The following PHACTR2 variants were observed in gnomAD, a reference collection of about 807,000 sequenced individuals.
The protein encoded by PHACTR2 is chromosome 6 open reading frame 56.
PHACTR2 carries 30 observed loss-of-function variants against 76.0 expected under a neutral mutation model. The observed-to-expected ratio is 0.39, with a 90% confidence interval of 0.30 to 0.54. PHACTR2 has a LOEUF of 0.54. Ranked by LOEUF, PHACTR2 falls within the 20% of genes least tolerant of loss-of-function variation. The pLI, the probability that PHACTR2 is intolerant of heterozygous loss-of-function variation, is 0.61. For synonymous variants in PHACTR2, 292 were observed against 292.5 expected (o/e 1.00, Z 0.02); for missense variants, 696 against 781.1 (o/e 0.89, Z 1.30).
intron 2 of PHACTR2, among the ~76,000 whole-genome samples, chr6:143,744,745 G>C (rs543611069): frequency 1.3e-5 from 2 of 152,338 alleles, no homozygotes; most frequent in Non-Finnish European, 2.9e-5. Flanking sequence ...TTCAGGGATT[G>C]TTGGAAGTAA....
At chr6:143,796,379 TTTTCTTTC>T (rs147314577) in intron 11 of PHACTR2, among the ~76,000 whole-genome samples, 69,298 of 148,676 alleles carry the variant, frequency 0.47, 16,120 homozygotes, top group Admixed American at 0.55. Context: ...TTTCTTTTTC[TTTTCTTTC>T]TTTCTTTCTT....
chr6:143,675,378 G>T (rs1582758952), upstream of PHACTR2, among the ~76,000 whole-genome samples: 1 of 152,290 alleles, frequency 6.6e-6, no homozygotes, highest in East Asian at 1.9e-4. This position sits in a 1 kb window ranked among gnomAD's most constrained non-coding sequence, Gnocchi z 4.9. Context: ...GTAGCGGTGT[G>T]CTGAAGGCAG....
intron 1 of PHACTR2, among the ~76,000 whole-genome samples, chr6:143,655,750 A>T (rs1442735004): frequency 6.6e-6 from 1 of 152,198 alleles, no homozygotes; most frequent in Admixed American, 6.5e-5. Context: ...AGACTTAGTT[A>T]TTTACTTTGC....
chr6:143,609,632 G>C (rs935301424), intron 1 of PHACTR2, among the ~76,000 whole-genome samples: 1 of 152,076 alleles, frequency 6.6e-6, no homozygotes, highest in Non-Finnish European at 1.5e-5. Context: ...TAATTACAGT[G>C]GTAGAGTGAG....
rs1292420658 is a variant in PHACTR2 at position 143,678,986 on chromosome 6, A to G, written c.46+777A>G. ...TGGTGGTGTTACTTGTGATTGGATA[A>G]GGAAATAAATTTAAAAGGTACTATT... is the stretch of plus-strand genomic sequence containing the variant. On this transcript the variant is annotated intron_variant, in intron 1 of 12. Transcript: ENST00000440869. This position sits in a 1 kb window ranked among gnomAD's most constrained non-coding sequence, Gnocchi z 6.2. Among the ~76,000 whole-genome samples the G allele has an allele frequency of 1.3e-5, 2 of 152,172 alleles. No homozygotes were observed. The highest frequency in any genetic ancestry group is 4.8e-5 in the African/African-American group (2 of 41,430).
At chr6:143,544,268 GGGCA>G in intron 1 of PHACTR2, among the ~76,000 whole-genome samples, 1 of 131,232 alleles carries the variant, frequency 7.6e-6, no homozygotes, top group African/African-American at 2.8e-5. Context: ...GAAGGAAGGC[GGGCA>G]GGCTCCCATA....
In PHACTR2 at chr6:143,698,310, A is replaced by G. The variant is rs1483210678; in HGVS notation, c.47-13706A>G. 1.3e-5 allele frequency among the ~76,000 whole-genome samples: 2 copies of G among 152,206 alleles called. No homozygotes were observed. The highest frequency in any genetic ancestry group is 2.9e-5 in the Non-Finnish European group (2 of 68,046). ...ACATCTCGCAAGTGGGGCATCCTCA[A>G]TAACTATGTTAGAAAAAGTATAAAA... On this transcript the variant is annotated intron_variant, in intron 1 of 12. Transcript: ENST00000440869. This position sits in a 1 kb window ranked among gnomAD's most constrained non-coding sequence, Gnocchi z 4.3.
intron 12 of PHACTR2, among the ~76,000 whole-genome samples, chr6:143,815,801 A>C (rs982559567): frequency 6.6e-6 from 1 of 151,950 alleles, no homozygotes; most frequent in African/African-American, 2.4e-5. Flanking sequence ...CTAAGGCAGG[A>C]GAATCACTTG....
rs1016320133 is a variant in PHACTR2 at position 143,680,478 on chromosome 6, C to T, written c.46+2269C>T. On this transcript the variant is annotated intron_variant, in intron 1 of 12. Coordinates refer to ENST00000440869, the MANE Select transcript of PHACTR2 (RefSeq NM_001100164.2). The surrounding 1 kb of genome is among the most constrained non-coding windows in gnomAD (Gnocchi z 4.5). Reference sequence around the variant, plus strand: ...ATTCATACTTATCGCTCAATTTGGCCTTTTGTAAAAATCTTCATTATAGGC... The same window carrying T: ...ATTCATACTTATCGCTCAATTTGGCTTTTTGTAAAAATCTTCATTATAGGC... Among the ~76,000 whole-genome samples the T allele has an allele frequency of 1.3e-5, 2 of 152,160 alleles. No individual in the cohort carries two copies. Among genetic ancestry groups the T allele is most frequent in the Non-Finnish European group, 2.9e-5 (2 of 68,012 alleles).
Position 143,712,068 on chromosome 6 carries a change from T to C in PHACTR2, c.99T>C (p.Gly33=). Residue 33 remains glycine (G), a synonymous_variant, in exon 2 of 13, where the codon GGT becomes GGC. Transcript: ENST00000440869. ...SIANSDGPTA[G]SQTPPFKRKG... ...CAAACTCAGATGGCCCCACAGCAGG[T>C]TCCCAAACACCTCCCTTCAAAAGAA... 6.3e-7 allele frequency: 1 copy of C among 1,598,252 alleles called. No homozygotes were observed. The highest frequency in any genetic ancestry group is 8.5e-7 in the Non-Finnish European group (1 of 1,174,112).
intron 2 of PHACTR2, among the ~76,000 whole-genome samples, chr6:143,720,735 C>A (rs6915805): frequency 1.3e-5 from 2 of 151,998 alleles, no homozygotes; most frequent in Non-Finnish European, 1.5e-5. Flanking sequence ...CCTCAAGTCC[C>A]CTGAGTCATT....
rs373922912 is a variant in PHACTR2 at position 143,778,919 on chromosome 6, C to T, written c.1645+1536C>T. 4.9e-4 allele frequency among the ~76,000 whole-genome samples: 75 copies of T among 152,298 alleles called. 2 individuals carry two copies. The South Asian group carries it at 0.015, about 29-fold the overall frequency. The stretch of plus-strand genomic sequence containing the variant: ...ATCTAGAAACTTACCGCGTGTTGAT[C>T]TTAAGTGCTGCATTGGCCTTTATAT... On this transcript the variant is annotated intron_variant, in intron 9 of 12. Transcript: ENST00000440869.
rs200144104 is a variant in PHACTR2, at chr6:143,700,780, C to CA, written c.47-11235dup. Reference sequence around the variant, plus strand: ...TCAGCTTTTTCTTCCTTTTCACAAACACAGCACACACTCTACACACCATGA... The same window carrying CA: ...TCAGCTTTTTCTTCCTTTTCACAAACAACAGCACACACTCTACACACCATGA... On this transcript the variant is annotated intron_variant, in intron 1 of 12. Transcript: ENST00000440869. The surrounding 1 kb of genome is among the most constrained non-coding windows in gnomAD (Gnocchi z 4.1). Among the ~76,000 whole-genome samples, 860 of 152,256 alleles carry CA rather than the reference C, an allele frequency of 5.6e-3. 10 individuals carry two copies. Among genetic ancestry groups the CA allele is most frequent in the African/African-American group, 0.018 (752 of 41,542 alleles).
chr6:143,802,647 CAAAA>C (rs55737411), intron 11 of PHACTR2, among the ~76,000 whole-genome samples: 1 of 90,166 alleles, frequency 1.1e-5, no homozygotes, highest in Non-Finnish European at 2.1e-5. Context: ...GACCCTGTCT[CAAAA>C]AAAAAAAAAA....
At chr6:143,601,628 C>T (rs370586272) in intron 1 of PHACTR2, among the ~76,000 whole-genome samples, 6 of 152,186 alleles carry the variant, frequency 3.9e-5, no homozygotes, top group African/African-American at 7.2e-5. Flanking sequence ...GTGCCTTTCA[C>T]GGAGATAGGC....
At chr6:143,631,388 C>T (rs529161763) in intron 1 of PHACTR2, among the ~76,000 whole-genome samples, 2 of 152,142 alleles carry the variant, frequency 1.3e-5, no homozygotes, top group East Asian at 3.9e-4. Flanking sequence ...GAGATAGGGT[C>T]TCACTGTGCT....
intron 1 of PHACTR2, among the ~76,000 whole-genome samples, chr6:143,551,733 G>T (rs1775097994): frequency 4.6e-5 from 7 of 152,156 alleles, no homozygotes; most frequent in Admixed American, 4.6e-4. Flanking sequence ...GGAAAATAGG[G>T]TTGAGGCTGC....
At chr6:143,576,048 T>C (rs1411840876) in intron 1 of PHACTR2, among the ~76,000 whole-genome samples, 1 of 152,250 alleles carries the variant, frequency 6.6e-6, no homozygotes, top group African/African-American at 2.4e-5. Context: ...CTTTTCTAAA[T>C]TGATGTCCAA....
Position 143,710,977 on chromosome 6 carries a change from C to G in PHACTR2, c.47-1039C>G. On this transcript the variant is annotated intron_variant, in intron 1 of 12. Transcript: ENST00000440869. This position sits in a 1 kb window ranked among gnomAD's most constrained non-coding sequence, Gnocchi z 4.9. Reference sequence around the variant, plus strand: ...TGACGGACATCAGTACACTTCACCTCTAAACACTTCAGCATACATGTCATT... The same window carrying G: ...TGACGGACATCAGTACACTTCACCTGTAAACACTTCAGCATACATGTCATT... 2.0e-6 allele frequency: 1 copy of G among 507,160 alleles called. No individual in the cohort carries two copies. Among genetic ancestry groups the G allele is most frequent in the Non-Finnish European group, 3.9e-6 (1 of 254,220 alleles). The allele number at this position is 507,160 out of a possible 1,614,324, so 31.4% of individuals were successfully genotyped here.
Sources: allele counts gnomAD v4.1 joint callset (sites outside exome capture counted in the v4.1 genomes callset), GRCh38; gene constraint gnomAD v4.1.1; non-coding constraint Gnocchi (gnomAD v3.1); transcripts MANE v1.5; gene names NCBI Gene and HGNC (gene_info 2026-07-23, HGNC 2026-07-21).